The following ZNF385D variants were observed in gnomAD, a reference collection of about 807,000 sequenced individuals.
ZNF385D encodes zinc finger protein 659.
In ZNF385D, 15 loss-of-function variants were observed where a neutral mutation model predicts 35.8. The observed-to-expected ratio is 0.42, with a 90% CI of 0.28 to 0.64. ZNF385D has a LOEUF of 0.64. ZNF385D is among the 30% of genes least tolerant of loss of function. The pLI, the probability that ZNF385D is intolerant of heterozygous loss-of-function variation, is 0.23. For missense variants in ZNF385D, 474 were observed against 494.6 expected, an observed-to-expected ratio of 0.96 and a Z score of 0.39; for synonymous variants, 212 against 186.8, an observed-to-expected ratio of 1.13 and a Z score of -1.10.
intron 3 of ZNF385D, among the ~76,000 whole-genome samples, chr3:21,899,385 T>A (rs1575866528): frequency 6.6e-6 from 1 of 152,256 alleles, no homozygotes; most frequent in East Asian, 1.9e-4. Context: ...ATCTATTAGA[T>A]CAGTGGTTCT....
chr3:22,087,899 T>C (rs998611084), intron 3 of ZNF385D, among the ~76,000 whole-genome samples: 2 of 152,208 alleles, frequency 1.3e-5, no homozygotes, highest in East Asian at 3.9e-4. Flanking sequence ...TATTAATGAC[T>C]TTTCTTTCTC....
chr3:21,799,819 C>A (rs145757173), intron 3 of ZNF385D, among the ~76,000 whole-genome samples: 2 of 152,140 alleles, frequency 1.3e-5, no homozygotes, highest in East Asian at 1.9e-4. Context: ...TGTAAAAATT[C>A]ATTGCCATAT....
chr3:21,757,901 A>G (rs2070419522), intron 3 of ZNF385D, among the ~76,000 whole-genome samples: 1 of 152,194 alleles, frequency 6.6e-6, no homozygotes, highest in Non-Finnish European at 1.5e-5. Flanking sequence ...AACATAGGAG[A>G]CATGCCATAA....
intron 2 of ZNF385D, among the ~76,000 whole-genome samples, chr3:21,577,406 C>G (rs1012207207): frequency 1.3e-5 from 2 of 152,132 alleles, no homozygotes; most frequent in African/African-American, 4.8e-5. Context: ...ATCCATTCAT[C>G]CATTGATGGA....
intron 3 of ZNF385D, among the ~76,000 whole-genome samples, chr3:21,920,877 A>G (rs952701131): frequency 2.6e-5 from 4 of 152,086 alleles, no homozygotes; most frequent in African/African-American, 9.7e-5. Flanking sequence ...AACTTTACAA[A>G]ATACATTAAA....
chr3:22,352,853 TCTTTCAGTCA>T (rs1432705042), intron 2 of ZNF385D, among the ~76,000 whole-genome samples: 1 of 152,182 alleles, frequency 6.6e-6, no homozygotes, highest in Non-Finnish European at 1.5e-5. Context: ...AATTCTATAA[TCTTTCAGTCA>T]CTTTCAAGTT....
chr3:21,947,916 G>A (rs1024586835), intron 3 of ZNF385D, among the ~76,000 whole-genome samples: 1 of 152,070 alleles, frequency 6.6e-6, no homozygotes, highest in Admixed American at 6.6e-5. Flanking sequence ...CACATTATAT[G>A]AAGTAGAGAG....
chr3:21,646,463 C>T lies in ZNF385D; in HGVS notation c.165+18423G>A, dbSNP rs575694261. Among the ~76,000 whole-genome samples, 4 of 152,266 alleles carry T rather than the reference C, an allele frequency of 2.6e-5. No individual in the cohort carries two copies. The East Asian group carries it at 7.7e-4, about 29-fold the overall frequency. The stretch of plus-strand genomic sequence containing the variant: ...GCTTGGATAGGAACTCAGATCTTTA[C>T]CTTCAAAGGTAAGCTACAAATTCAA... On this transcript the variant is annotated intron_variant, in intron 2 of 7. Coordinates refer to ENST00000281523, the MANE Select transcript of ZNF385D (RefSeq NM_024697.3). The surrounding 1 kb of genome is among the most constrained non-coding windows in gnomAD (Gnocchi z 4.3).
At chr3:21,441,823 T>G in intron 4 of ZNF385D, 5 of 704,418 alleles carry the variant, frequency 7.1e-6, no homozygotes, top group Non-Finnish European at 8.7e-6. Flanking sequence ...TTTGCACTAC[T>G]CTACCAAAGA....
At chr3:21,451,835 G>T (rs1000942876) in intron 4 of ZNF385D, among the ~76,000 whole-genome samples, 2 of 151,972 alleles carry the variant, frequency 1.3e-5, no homozygotes, top group Non-Finnish European at 2.9e-5. Context: ...AAAGTCATTT[G>T]CTAGAATCAT....
At chr3:21,902,461 G>T (rs889313345) in intron 3 of ZNF385D, among the ~76,000 whole-genome samples, 1 of 152,084 alleles carries the variant, frequency 6.6e-6, no homozygotes, top group African/African-American at 2.4e-5. Flanking sequence ...AGGAAATAGC[G>T]GAGTATCTGA....
At chr3:21,803,709 C>T (rs1341085676) in intron 3 of ZNF385D, among the ~76,000 whole-genome samples, 2 of 152,124 alleles carry the variant, frequency 1.3e-5, no homozygotes, top group Non-Finnish European at 2.9e-5. Context: ...GCATTTTTCT[C>T]AGTCTTCATC....
intron 3 of ZNF385D, among the ~76,000 whole-genome samples, chr3:21,765,589 T>A (rs894228234): frequency 6.6e-6 from 1 of 151,628 alleles, no homozygotes; most frequent in African/African-American, 2.4e-5. Context: ...AGCCAGTAGG[T>A]AGTAGAGACT....
intron 2 of ZNF385D, among the ~76,000 whole-genome samples, chr3:22,243,804 G>A (rs992370732): frequency 3.3e-5 from 5 of 150,852 alleles, no homozygotes; most frequent in Admixed American, 6.6e-5. Context: ...TTGGAGGTGA[G>A]AGGAGATGGT....
intron 3 of ZNF385D, among the ~76,000 whole-genome samples, chr3:21,553,800 TTC>T (rs2062642438): frequency 6.6e-6 from 1 of 152,174 alleles, no homozygotes; most frequent in Admixed American, 6.6e-5. Context: ...CAGCAGTAGA[TTC>T]CATCTCAAGA....
chr3:21,425,933 C>T (rs545069350), intron 5 of ZNF385D, among the ~76,000 whole-genome samples: 1 of 152,124 alleles, frequency 6.6e-6, no homozygotes, highest in African/African-American at 2.4e-5. Flanking sequence ...TAATGCTCCG[C>T]ATTACAAACA....
chr3:21,799,266 A>C (rs2072291469), intron 3 of ZNF385D, among the ~76,000 whole-genome samples: 1 of 152,168 alleles, frequency 6.6e-6, no homozygotes, highest in Non-Finnish European at 1.5e-5. Context: ...ATTCCCATAC[A>C]TGTTTTTTGG....
chr3:21,452,962 C>A (rs6787052), intron 4 of ZNF385D, among the ~76,000 whole-genome samples: 41,066 of 151,682 alleles, frequency 0.27, 7,214 homozygotes, highest in African/African-American at 0.48. Flanking sequence ...AATCACACTT[C>A]TTGAATTCAA....
At chr3:21,851,072 C>A (rs1473017558) in intron 3 of ZNF385D, among the ~76,000 whole-genome samples, 1 of 151,056 alleles carries the variant, frequency 6.6e-6, no homozygotes, top group East Asian at 2.0e-4. Flanking sequence ...GATTTTAAAA[C>A]AGCTAATATT....
Sources: gnomAD v4.1 joint callset for allele counts (sites outside exome capture counted in the v4.1 genomes callset) on GRCh38, gnomAD v4.1.1 for gene constraint, Gnocchi (gnomAD v3.1) non-coding constraint, MANE v1.5 for transcripts, NCBI Gene and HGNC (gene_info 2026-07-23, HGNC 2026-07-21) for gene names.